TMEM178B: variants seen among roughly 807,000 people sequenced by gnomAD.
The protein encoded by TMEM178B is transmembrane protein 178B.
TMEM178B carries 5 observed loss-of-function variants against 31.0 expected under a neutral mutation model. The ratio of observed to expected loss-of-function variants is 0.16; its 90% CI spans 0.08 to 0.34. TMEM178B has a LOEUF of 0.34. Among genes scored for constraint, TMEM178B ranks in the 10% least tolerant of loss-of-function variants. The pLI is 1.00. For missense variants in TMEM178B, 275 were observed against 400.3 expected (o/e 0.69, Z 2.67); for synonymous variants, 164 against 164.0 (o/e 1.00, Z 0.00).
chr7:141,256,401 A>G (rs1797929136), intron 2 of TMEM178B, among the ~76,000 whole-genome samples: 1 of 152,196 alleles, frequency 6.6e-6, no homozygotes, highest in Non-Finnish European at 1.5e-5. Context: ...AGAGCCTTAC[A>G]GGTGGTGCCA....
the TMEM178B span, among the ~76,000 whole-genome samples, chr7:141,491,495 G>A: frequency 6.6e-6 from 1 of 151,918 alleles, no homozygotes; most frequent in Non-Finnish European, 1.5e-5. Flanking sequence ...TTTTATTGAG[G>A]GAAAACACTC....
At chr7:141,304,991 C>T (rs987224732) in intron 2 of TMEM178B, among the ~76,000 whole-genome samples, 1 of 152,222 alleles carries the variant, frequency 6.6e-6, no homozygotes, top group African/African-American at 2.4e-5. Flanking sequence ...AACAGACAAG[C>T]AGAATAACTT....
intron 2 of TMEM178B, among the ~76,000 whole-genome samples, chr7:141,405,521 G>A (rs2116626067): frequency 6.6e-6 from 1 of 152,356 alleles, no homozygotes; most frequent in Non-Finnish European, 1.5e-5. Flanking sequence ...AGGCTGTGAG[G>A]ATCACATGAA....
At chr7:141,316,885 C>T (rs1799015050) in intron 2 of TMEM178B, among the ~76,000 whole-genome samples, 1 of 152,202 alleles carries the variant, frequency 6.6e-6, no homozygotes. Context: ...TTGTGACACA[C>T]AACTGCCTCT....
intron 1 of TMEM178B, among the ~76,000 whole-genome samples, chr7:141,122,719 TGGATAAG>T (rs1406847840): frequency 1.3e-5 from 2 of 152,250 alleles, no homozygotes; most frequent in African/African-American, 4.8e-5. Flanking sequence ...GAGGAAATTA[TGGATAAG>T]GGCTTTTTCC....
chr7:141,182,710 C>T (rs937971425), intron 1 of TMEM178B, among the ~76,000 whole-genome samples: 2 of 152,276 alleles, frequency 1.3e-5, no homozygotes, highest in Non-Finnish European at 2.9e-5. Flanking sequence ...ATAATTGAAT[C>T]GTGGGGCGGT....
intron 1 of TMEM178B, among the ~76,000 whole-genome samples, chr7:141,098,103 T>C (rs1175012863): frequency 6.6e-6 from 1 of 152,212 alleles, no homozygotes; most frequent in African/African-American, 2.4e-5. Context: ...GATTTTCTAC[T>C]GTGATTCATG....
chr7:141,365,514 G>A (rs936577424), intron 2 of TMEM178B, among the ~76,000 whole-genome samples: 2 of 152,178 alleles, frequency 1.3e-5, no homozygotes, highest in African/African-American at 4.8e-5. Context: ...AATGGGGATT[G>A]TAGGGATGTT....
chr7:141,373,241 A>G (rs867833454), intron 2 of TMEM178B, among the ~76,000 whole-genome samples: 5 of 152,206 alleles, frequency 3.3e-5, no homozygotes, highest in Admixed American at 2.6e-4. Flanking sequence ...AGCTCTGAGA[A>G]TAGGCAGAGG....
chr7:141,449,951 T>C (rs1366450632), intron 3 of TMEM178B, among the ~76,000 whole-genome samples: 1 of 152,348 alleles, frequency 6.6e-6, no homozygotes, highest in Non-Finnish European at 1.5e-5. Flanking sequence ...GCCTGAGCTG[T>C]AAATGAATTC....
intron 2 of TMEM178B, among the ~76,000 whole-genome samples, chr7:141,407,982 G>C (rs1206400814): frequency 1.3e-5 from 2 of 152,112 alleles, no homozygotes; most frequent in African/African-American, 4.8e-5. Flanking sequence ...GATGTAGGCA[G>C]GTCTCCTTTT....
At chr7:141,297,613 T>G (rs1257036655) in intron 2 of TMEM178B, among the ~76,000 whole-genome samples, 6 of 152,228 alleles carry the variant, frequency 3.9e-5, no homozygotes, top group Non-Finnish European at 8.8e-5. Context: ...GGTGTTTGTT[T>G]TTCTGTCCTT....
rs184618859 is a variant in TMEM178B, at chr7:141,079,332, A to G, written c.382+4640A>G. Among the ~76,000 whole-genome samples the G allele has an allele frequency of 2.9e-4, 44 of 152,282 alleles. No homozygotes were observed. The East Asian group carries it at 6.0e-3, about 21-fold the overall frequency. ...TTATTTCCGTAGTTGTATTGGCCAC[A>G]TTTCAAATGTTCAGTAGCCGTATGT... On this transcript the variant is annotated intron_variant, in intron 1 of 3. Transcript: ENST00000565468.
intron 2 of TMEM178B, among the ~76,000 whole-genome samples, chr7:141,331,699 G>A (rs1361982851): frequency 6.6e-6 from 1 of 152,192 alleles, no homozygotes; most frequent in African/African-American, 2.4e-5. Context: ...GGAAGTGGAA[G>A]TGGGGTAAAG....
Position 141,170,793 on chromosome 7 carries a change from A to C in TMEM178B, c.383-41798A>C, listed in dbSNP as rs968226029. 2.0e-5 allele frequency among the ~76,000 whole-genome samples: 3 copies of C among 152,188 alleles called. No homozygotes were observed. The East Asian group carries it at 5.8e-4, about 29-fold the overall frequency. Reference sequence around the variant, plus strand: ...GTGCCCTAGGCAGCACTAATCCTGGACCAGCCCCTGTTGGTCAGGTCTTCA... The same window carrying C: ...GTGCCCTAGGCAGCACTAATCCTGGCCCAGCCCCTGTTGGTCAGGTCTTCA... On this transcript the variant is annotated intron_variant, in intron 1 of 3. Transcript: ENST00000565468.
the TMEM178B span, among the ~76,000 whole-genome samples, chr7:141,490,188 G>A: frequency 2.0e-5 from 3 of 152,188 alleles, no homozygotes; most frequent in Non-Finnish European, 4.4e-5. Context: ...TTCATACTCT[G>A]ACAAGGAAAC....
intron 2 of TMEM178B, among the ~76,000 whole-genome samples, chr7:141,285,295 T>G (rs1798431477): frequency 6.7e-6 from 1 of 150,160 alleles, no homozygotes. Flanking sequence ...GGACTAGAGG[T>G]GCCCGCCACC....
At chr7:141,257,649 A>G (rs573707719) in intron 2 of TMEM178B, among the ~76,000 whole-genome samples, 2 of 152,320 alleles carry the variant, frequency 1.3e-5, no homozygotes, top group South Asian at 4.2e-4. Flanking sequence ...TGTGTGCTGT[A>G]AGAACAGTGA....
At chr7:141,499,196 A>G in the TMEM178B span, among the ~76,000 whole-genome samples, 8 of 152,264 alleles carry the variant, frequency 5.3e-5, 1 homozygote, top group South Asian at 1.7e-3. Flanking sequence ...ATCTTTGTGG[A>G]TAAGATGGTA....
Sources: allele counts gnomAD v4.1 joint callset (sites outside exome capture counted in the v4.1 genomes callset), GRCh38; gene constraint gnomAD v4.1.1; transcripts MANE v1.5; gene names NCBI Gene and HGNC (gene_info 2026-07-23, HGNC 2026-07-21).